Variants in DOCK1 observed in about 807,000 individuals in gnomAD.
The protein encoded by DOCK1 is dedicator of cytokinesis protein 1.
In DOCK1, 138 loss-of-function variants were observed where a neutral mutation model predicts 262.7. The ratio of observed to expected loss-of-function variants is 0.53; its 90% CI spans 0.46 to 0.61. DOCK1 has a LOEUF of 0.61. DOCK1 is among the 20% of genes least tolerant of loss of function. The pLI, the probability that DOCK1 is intolerant of heterozygous loss-of-function variation, is 0.00. For missense variants in DOCK1, 1,908 were observed against 2,370.7 expected (o/e 0.80, Z 4.05); for synonymous variants, 866 against 867.4 (o/e 1.00, Z 0.03).
At chr10:127,220,095 T>C (rs1055480087) in intron 27 of DOCK1, among the ~76,000 whole-genome samples, 1 of 152,012 alleles carries the variant, frequency 6.6e-6, no homozygotes, top group Non-Finnish European at 1.5e-5. Context: ...AAAAAAATGT[T>C]CAAAGATTTC....
Position 127,037,723 on chromosome 10 carries a change from CCTT to C in DOCK1, c.1920_1922del (p.Leu641del). The C allele has an allele frequency of 6.3e-7, 1 of 1,585,786 alleles. No homozygotes were observed. Among genetic ancestry groups the C allele is most frequent in the East Asian group, 2.3e-5 (1 of 43,902 alleles). ...ATTGTCATTTTCTGTTTCCAGTGGA[CCTT>C]CTGGGGCTCTTGAAATGGCGCTCCA... On this transcript the variant is annotated inframe_deletion, in exon 19 of 52. Coordinates refer to ENST00000623213, the MANE Select transcript of DOCK1 (RefSeq NM_001290223.2).
intron 27 of DOCK1, among the ~76,000 whole-genome samples, chr10:127,160,981 A>G (rs1274518087): frequency 6.6e-6 from 1 of 152,228 alleles, no homozygotes; most frequent in Non-Finnish European, 1.5e-5. Context: ...GAGGCATAAA[A>G]TGATACCACC....
At chr10:127,356,607 T>TGA (rs1249520547) in intron 32 of DOCK1, among the ~76,000 whole-genome samples, 4 of 150,352 alleles carry the variant, frequency 2.7e-5, no homozygotes, top group East Asian at 2.0e-4. Flanking sequence ...TGTGGTCCCA[T>TGA]GAGAGAGAGA....
chr10:127,246,163 A>G (rs1482517025), intron 27 of DOCK1, among the ~76,000 whole-genome samples: 1 of 152,174 alleles, frequency 6.6e-6, no homozygotes, highest in Non-Finnish European at 1.5e-5. Flanking sequence ...TCCTTAGAGG[A>G]AGAGTTAAAA....
intron 23 of DOCK1, among the ~76,000 whole-genome samples, chr10:127,099,603 C>T (rs528136496): frequency 4.7e-4 from 71 of 152,116 alleles, no homozygotes; most frequent in Middle Eastern, 3.4e-3. Flanking sequence ...CAAGAGAGAG[C>T]GCAGGGAGGT....
At chr10:127,356,474 A>G (rs1029109877) in intron 32 of DOCK1, among the ~76,000 whole-genome samples, 3 of 152,182 alleles carry the variant, frequency 2.0e-5, no homozygotes, top group African/African-American at 7.2e-5. Context: ...AGGGAGGAGG[A>G]CCATCCGTGA....
intron 29 of DOCK1, among the ~76,000 whole-genome samples, chr10:127,326,829 G>A (rs957450345): frequency 6.6e-5 from 10 of 152,196 alleles, no homozygotes; most frequent in African/African-American, 1.7e-4. Flanking sequence ...AAAATTGCTC[G>A]TGATTAATGG....
intron 25 of DOCK1, among the ~76,000 whole-genome samples, chr10:127,123,447 G>A (rs2049741898): frequency 6.6e-6 from 1 of 152,232 alleles, no homozygotes; most frequent in Non-Finnish European, 1.5e-5. Context: ...GTGCTGGCAG[G>A]GCGGGGCTCA....
At chr10:127,058,730 A>G (rs9418728) in intron 22 of DOCK1, among the ~76,000 whole-genome samples, 26,548 of 151,976 alleles carry the variant, frequency 0.17, 2,492 homozygotes, top group South Asian at 0.32. Flanking sequence ...CTTATTTTAG[A>G]GTATTTCAAA....
At position 127,176,481 on chromosome 10, in the gene DOCK1, C is replaced by T; in HGVS notation, c.2847+48717C>T. 1.8e-6 allele frequency: 2 copies of T among 1,140,026 alleles called. No homozygotes were observed. The highest frequency in any genetic ancestry group is 1.2e-6 in the Non-Finnish European group (1 of 803,962). The allele number at this position is 1,140,026 out of a possible 1,614,324, so 70.6% of individuals were successfully genotyped here. On this transcript the variant is annotated intron_variant, in intron 27 of 51. Coordinates refer to ENST00000623213, the MANE Select transcript of DOCK1 (RefSeq NM_001290223.2). This position sits in a 1 kb window ranked among gnomAD's most constrained non-coding sequence, Gnocchi z 4.4. The stretch of plus-strand genomic sequence containing the variant: ...ACCGGCCGCACAAACTTTTAGCCAC[C>T]ACGACGACTGCCTGTTTCCTAATTA...
At chr10:127,282,709 G>A (rs890608146) in intron 29 of DOCK1, among the ~76,000 whole-genome samples, 1 of 152,220 alleles carries the variant, frequency 6.6e-6, no homozygotes, top group African/African-American at 2.4e-5. Flanking sequence ...TCTTGGTTGG[G>A]TAACAAGCAT....
At chr10:127,029,002 C>G (rs2043063763) in intron 16 of DOCK1, among the ~76,000 whole-genome samples, 1 of 152,346 alleles carries the variant, frequency 6.6e-6, no homozygotes, top group African/African-American at 2.4e-5. Flanking sequence ...CGTCTTTTAA[C>G]AAGCTCATTC....
intron 31 of DOCK1, among the ~76,000 whole-genome samples, chr10:127,350,771 C>T (rs753296931): frequency 2.6e-5 from 4 of 152,084 alleles, no homozygotes; most frequent in Non-Finnish European, 4.4e-5. Context: ...TTGTGTCTGG[C>T]CCAAGTGCTC....
chr10:127,046,022 GCTGT>G (rs748952680), intron 21 of DOCK1, among the ~76,000 whole-genome samples: 30 of 151,598 alleles, frequency 2.0e-4, no homozygotes, highest in Admixed American at 7.9e-4. Context: ...CTTTCTTTTT[GCTGT>G]CTAATTCCAG....
intron 21 of DOCK1, among the ~76,000 whole-genome samples, chr10:127,048,140 G>C (rs1462920087): frequency 6.6e-6 from 1 of 152,188 alleles, no homozygotes; most frequent in Non-Finnish European, 1.5e-5. Context: ...AGCAATCTGT[G>C]AATGTTCTTT....
intron 13 of DOCK1, among the ~76,000 whole-genome samples, chr10:127,020,863 C>G (rs1255270968): frequency 6.6e-6 from 1 of 152,106 alleles, no homozygotes; most frequent in Admixed American, 6.5e-5. Flanking sequence ...TGCAGGGATG[C>G]GCGTCTTCTT....
intron 22 of DOCK1, among the ~76,000 whole-genome samples, chr10:127,058,998 T>G (rs2045354828): frequency 6.6e-6 from 1 of 152,166 alleles, no homozygotes; most frequent in East Asian, 1.9e-4. Context: ...ACTTGTATTA[T>G]TTCTTTTAGT....
chr10:127,181,652 C>T (rs1461935545), intron 27 of DOCK1, among the ~76,000 whole-genome samples: 1 of 152,160 alleles, frequency 6.6e-6, no homozygotes. Flanking sequence ...ACTGGGTCAG[C>T]ATTTTCTTCC....
At chr10:127,423,751 C>T (rs1256250621) in intron 46 of DOCK1, among the ~76,000 whole-genome samples, 2 of 152,178 alleles carry the variant, frequency 1.3e-5, no homozygotes, top group Non-Finnish European at 2.9e-5. Flanking sequence ...TTAAGCAAGG[C>T]TTCCAGATGT....
Sources: gnomAD v4.1 joint callset for allele counts (sites outside exome capture counted in the v4.1 genomes callset) on GRCh38, gnomAD v4.1.1 for gene constraint, Gnocchi (gnomAD v3.1) non-coding constraint, MANE v1.5 for transcripts, NCBI Gene and HGNC (gene_info 2026-07-23, HGNC 2026-07-21) for gene names.